MBOAT1: variants seen among roughly 807,000 people sequenced by gnomAD.
The protein encoded by MBOAT1 is membrane-bound glycerophospholipid O-acyltransferase 1.
A neutral mutation model predicts 64.4 loss-of-function variants in MBOAT1; 67 were observed. The ratio of observed to expected loss-of-function variants is 1.04; its 90% CI spans 0.85 to 1.27. The LOEUF is 1.27. Among genes scored for constraint, MBOAT1 ranks in the 50% most tolerant of loss-of-function variants. The pLI is 0.00. For synonymous variants in MBOAT1, 229 were observed against 218.9 expected (o/e 1.05, Z -0.41); for missense variants, 563 against 604.6 (o/e 0.93, Z 0.72).
chr6:20,209,508 A>AT (rs1763358702), intron 1 of MBOAT1, among the ~76,000 whole-genome samples: 1 of 152,194 alleles, frequency 6.6e-6, no homozygotes, highest in African/African-American at 2.4e-5. Context: ...AGGTATTTCC[A>AT]TTTTTGCTGA....
chr6:20,197,732 A>C (rs1762998541), intron 1 of MBOAT1, among the ~76,000 whole-genome samples: 1 of 152,128 alleles, frequency 6.6e-6, no homozygotes, highest in African/African-American at 2.4e-5. Context: ...GTATAAAACC[A>C]AGCTGTGCCC....
chr6:20,168,905 G>T (rs924341937), intron 1 of MBOAT1, among the ~76,000 whole-genome samples: 10 of 151,362 alleles, frequency 6.6e-5, no homozygotes, highest in Non-Finnish European at 8.8e-5. Context: ...TATCATCGGG[G>T]TTTTCCCAAT....
At chr6:20,135,896 C>T (rs1418897120) in intron 4 of MBOAT1, among the ~76,000 whole-genome samples, 2 of 152,196 alleles carry the variant, frequency 1.3e-5, no homozygotes, top group Non-Finnish European at 2.9e-5. Context: ...ACCGCTACTG[C>T]CATCTCGCAC....
In MBOAT1 at chr6:20,126,675, A is replaced by C. The variant is rs1234574120; in HGVS notation, c.556T>G (p.Leu186Val). Reference protein sequence around the residue: ...IKVKPSFLEYLSYLLNFMSVI... With the variant: ...IKVKPSFLEYVSYLLNFMSVI... Reference sequence around the variant, plus strand: ...CTCATGAAATTGAGAAGGTAACTTAAGTATTCCAAAAAAGAGGGTTTCACT... The same window carrying C: ...CTCATGAAATTGAGAAGGTAACTTACGTATTCCAAAAAAGAGGGTTTCACT... The change falls in exon 7 of 13, where the codon TTA (leucine) becomes GTA (valine). Residue 186 changes from leucine (L) to valine (V), a missense_variant. By Grantham distance (32) the Leu-to-Val change is conservative (BLOSUM62 1). Transcript: ENST00000324607. 31 of 1,612,028 alleles carry C rather than the reference A, an allele frequency of 1.9e-5. No homozygotes were observed. The highest frequency in any genetic ancestry group is 2.6e-5 in the Non-Finnish European group (31 of 1,179,416).
intron 1 of MBOAT1, among the ~76,000 whole-genome samples, chr6:20,203,753 C>A (rs1763184746): frequency 1.3e-5 from 2 of 151,226 alleles, no homozygotes; most frequent in Non-Finnish European, 2.9e-5. Flanking sequence ...AATGGAGTCA[C>A]TGATGCCAGG....
At chr6:20,163,024 C>G (rs1761907775) in intron 1 of MBOAT1, among the ~76,000 whole-genome samples, 1 of 152,198 alleles carries the variant, frequency 6.6e-6, no homozygotes, top group African/African-American at 2.4e-5. Context: ...TTGCAAATAT[C>G]ATGTCACATG....
intron 4 of MBOAT1, among the ~76,000 whole-genome samples, chr6:20,132,977 C>A (rs1032349496): frequency 6.6e-6 from 1 of 152,122 alleles, no homozygotes; most frequent in African/African-American, 2.4e-5. Context: ...CCATTTTCCA[C>A]CTCTTGAAAA....
Position 20,116,182 on chromosome 6 carries a change from G to A in MBOAT1, c.1012-830C>T, listed in dbSNP as rs1760313484. 2.0e-5 allele frequency among the ~76,000 whole-genome samples: 3 copies of A among 151,594 alleles called. No individual in the cohort carries two copies. In the South Asian group the frequency reaches 6.3e-4, roughly 32 times the overall value. ...CCCAGTCTCTACTAAAAATACAAAA[G>A]TTAGCCGGGCCTGGTAGCAGGCACC... On this transcript the variant is annotated intron_variant, in intron 9 of 12. Transcript: ENST00000324607.
At chr6:20,155,274 G>A (rs367847270) in intron 1 of MBOAT1, among the ~76,000 whole-genome samples, 1 of 152,168 alleles carries the variant, frequency 6.6e-6, no homozygotes, top group African/African-American at 2.4e-5. Context: ...GGCAATTTTT[G>A]TTCTAACCAC....
chr6:20,147,414 C>T (rs112294000), intron 3 of MBOAT1, among the ~76,000 whole-genome samples: 21 of 152,224 alleles, frequency 1.4e-4, no homozygotes, highest in South Asian at 2.1e-4. Flanking sequence ...CCAAGGCGGG[C>T]GGATCACCTG....
At chr6:20,141,898 G>A (rs1431228309) in intron 4 of MBOAT1, among the ~76,000 whole-genome samples, 1 of 152,078 alleles carries the variant, frequency 6.6e-6, no homozygotes, top group Non-Finnish European at 1.5e-5. Flanking sequence ...AGGAAATAAA[G>A]GCTCTCTGGT....
chr6:20,128,920 C>A (rs1186097541), intron 5 of MBOAT1, among the ~76,000 whole-genome samples, 167 bp from the exon 6 acceptor site: 1 of 151,902 alleles, frequency 6.6e-6, no homozygotes, highest in African/African-American at 2.4e-5. Context: ...ACCAAAAGAG[C>A]TACCCATAAG....
intron 1 of MBOAT1, among the ~76,000 whole-genome samples, chr6:20,174,010 A>G (rs2113730316): frequency 6.6e-6 from 1 of 152,294 alleles, no homozygotes; most frequent in African/African-American, 2.4e-5. Context: ...AAGTATGAAG[A>G]GGAAAGACAA....
intron 1 of MBOAT1, among the ~76,000 whole-genome samples, chr6:20,194,507 T>C (rs1479622398): frequency 6.6e-6 from 1 of 152,214 alleles, no homozygotes; most frequent in Non-Finnish European, 1.5e-5. Flanking sequence ...CTGATGTTTT[T>C]CTCAGAGACA....
chr6:20,102,564 C>T, intron 12 of MBOAT1, 152 bp from the exon 13 acceptor site: 1 of 616,258 alleles, frequency 1.6e-6, no homozygotes, highest in South Asian at 2.1e-5. Context: ...ATCTGCTCCA[C>T]AGATAACTCC....
intron 1 of MBOAT1, among the ~76,000 whole-genome samples, chr6:20,192,991 A>ATTTTTTTTTTTTTT (rs1238333593): frequency 1.7e-5 from 1 of 59,844 alleles, no homozygotes; most frequent in Non-Finnish European, 3.8e-5. Context: ...GTATGCTATA[A>ATTTTTTTTTTTTTT]TTTCTTTTTT....
chr6:20,109,810 C>A, intron 11 of MBOAT1, 61 bp from the exon 12 acceptor site: 1 of 1,556,572 alleles, frequency 6.4e-7, no homozygotes, highest in African/African-American at 1.4e-5. Context: ...ACAACTTTTA[C>A]TCTGTGCATG....
At chr6:20,165,934 T>C (rs1486049447) in intron 1 of MBOAT1, among the ~76,000 whole-genome samples, 4 of 152,088 alleles carry the variant, frequency 2.6e-5, no homozygotes, top group Non-Finnish European at 4.4e-5. Flanking sequence ...ATTTTTTAGC[T>C]AATTTCATTT....
chr6:20,181,089 A>G (rs1338003453), intron 1 of MBOAT1, among the ~76,000 whole-genome samples: 1 of 152,232 alleles, frequency 6.6e-6, no homozygotes, highest in East Asian at 1.9e-4. Flanking sequence ...CATCTTGCCT[A>G]CTTCTCAGCT....
Sources: gnomAD v4.1 joint callset for allele counts (sites outside exome capture counted in the v4.1 genomes callset) on GRCh38, gnomAD v4.1.1 for gene constraint, MANE v1.5 for transcripts, NCBI Gene and HGNC (gene_info 2026-07-23, HGNC 2026-07-21) for gene names.